The following KHDRBS1 variants were observed in gnomAD, a reference collection of about 807,000 sequenced individuals.
KHDRBS1 encodes KH RNA binding domain containing, signal transduction associated 1.
In KHDRBS1, 7 loss-of-function variants were observed where a neutral mutation model predicts 48.4. That is an observed-to-expected ratio of 0.14 (90% CI 0.08 to 0.27). The LOEUF (loss-of-function observed/expected upper bound fraction) is 0.27. KHDRBS1 is among the 10% of genes least tolerant of loss of function. KHDRBS1 has a pLI of 1.00. For synonymous variants in KHDRBS1, 241 were observed against 235.8 expected, an observed-to-expected ratio of 1.02 and a Z score of -0.20; for missense variants, 458 against 601.2, an observed-to-expected ratio of 0.76 and a Z score of 2.49.
chr1:32,045,033 G>C (rs1335836409), downstream of KHDRBS1, among the ~76,000 whole-genome samples: 1 of 152,096 alleles, frequency 6.6e-6, no homozygotes, highest in East Asian at 1.9e-4. Context: ...GAACTGTAAC[G>C]TAACCTGGGC....
chr1:32,023,616 A>G (rs1638903549), intron 1 of KHDRBS1, among the ~76,000 whole-genome samples: 1 of 152,188 alleles, frequency 6.6e-6, no homozygotes, highest in South Asian at 2.1e-4. Flanking sequence ...AGTCAGTTCC[A>G]AAAGGGTTGT....
intron 10 of KHDRBS1, among the ~76,000 whole-genome samples, chr1:32,058,154 C>G (rs906419124): frequency 6.6e-6 from 1 of 151,646 alleles, no homozygotes; most frequent in African/African-American, 2.4e-5. Context: ...CTGCATTGAT[C>G]ATAGCTCACT....
intron 4 of KHDRBS1, 97 bp downstream of exon 4, chr1:32,033,431 C>G (rs1639118484): frequency 1.3e-6 from 2 of 1,483,576 alleles, no homozygotes; most frequent in East Asian, 2.3e-5. Context: ...CTCTGCATAA[C>G]CTGTATGTAT....
intron 2 of KHDRBS1, among the ~76,000 whole-genome samples, chr1:32,030,627 A>T (rs1191110172): frequency 1.3e-5 from 2 of 152,206 alleles, no homozygotes; most frequent in Non-Finnish European, 2.9e-5. Context: ...AAGGAAATAT[A>T]ATCATCTTTT....
At chr1:32,059,200 G>A (rs550214738) in intron 10 of KHDRBS1, among the ~76,000 whole-genome samples, 8 of 149,908 alleles carry the variant, frequency 5.3e-5, no homozygotes, top group African/African-American at 1.7e-4. Flanking sequence ...CCTTTTAGGC[G>A]ATAGAATGAA....
chr1:32,021,419 C>G (rs1638855912), intron 1 of KHDRBS1, among the ~76,000 whole-genome samples: 1 of 151,964 alleles, frequency 6.6e-6, no homozygotes, highest in Non-Finnish European at 1.5e-5. Context: ...AAATAAAGAA[C>G]CTATTGGCTT....
At position 32,016,852 on chromosome 1, in the gene KHDRBS1, T is replaced by C. The variant is rs145360231; in HGVS notation, c.382+2475T>C. 3.2e-3 allele frequency among the ~76,000 whole-genome samples: 491 copies of C among 152,354 alleles called. 1 individual carries two copies. The highest frequency in any genetic ancestry group is 0.011 in the African/African-American group (459 of 41,588). On this transcript the variant is annotated intron_variant, in intron 1 of 8. Transcript: ENST00000327300. ...CAGAGCGCAGGAATCTTTTGTCTACTTTGTTCACCGTTGTATCTTCTATGC... is the reference window on the plus strand; with the variant it reads ...CAGAGCGCAGGAATCTTTTGTCTACCTTGTTCACCGTTGTATCTTCTATGC...
chr1:32,039,362 T>C (rs1639241368), intron 7 of KHDRBS1, among the ~76,000 whole-genome samples, 153 bp from the exon 8 acceptor site: 1 of 152,238 alleles, frequency 6.6e-6, no homozygotes, highest in Non-Finnish European at 1.5e-5. Flanking sequence ...TCTATACATA[T>C]TTTGGAAATA....
In KHDRBS1 at chr1:32,013,924, C is replaced by G; in HGVS notation, c.-72C>G. 2 of 1,332,986 alleles carry G rather than the reference C, an allele frequency of 1.5e-6. No homozygotes were observed. Among genetic ancestry groups the G allele is most frequent in the Non-Finnish European group, 1.9e-6 (2 of 1,040,534 alleles). 82.6% of individuals were successfully genotyped at this position (1,332,986 alleles called of 1,614,324 possible). A position where few individuals can be genotyped will look rare whatever the true frequency, so the allele number is the denominator to read the frequency against. ...CGCTACCGCTCCCGCTCTGCCACCCCCGCCAACCGCCGCTCGGGCCTCCGT... is the reference window on the plus strand; with the variant it reads ...CGCTACCGCTCCCGCTCTGCCACCCGCGCCAACCGCCGCTCGGGCCTCCGT... On this transcript the variant is annotated 5_prime_UTR_variant, in exon 1 of 9. Transcript: ENST00000327300.
intron 10 of KHDRBS1, among the ~76,000 whole-genome samples, chr1:32,055,173 G>C (rs141826201): frequency 1.2e-4 from 19 of 152,280 alleles, no homozygotes; most frequent in Admixed American, 5.9e-4. Context: ...TCCTGGGCCG[G>C]GTGCGGTGGG....
chr1:32,029,397 C>T (rs921183579), intron 1 of KHDRBS1, among the ~76,000 whole-genome samples: 2 of 152,192 alleles, frequency 1.3e-5, no homozygotes, highest in East Asian at 1.9e-4. Context: ...GTGGCTCACG[C>T]CTGTAATCCC....
Position 32,039,554 on chromosome 1 carries a change from A to G in KHDRBS1, c.1215A>G (p.Gln405=). 1 of 1,530,854 alleles carries G rather than the reference A, an allele frequency of 6.5e-7. No individual in the cohort carries two copies. The highest frequency in any genetic ancestry group is 9.1e-7 in the Non-Finnish European group (1 of 1,104,098). The allele number at this position is 1,530,854 out of a possible 1,614,324, so 94.8% of individuals were successfully genotyped here. ...EYYDYGHGEV[Q]DSYEAYGQDD... ...ATGACTATGGACATGGGGAGGTTCA[A>G]GATTCTTATGAAGCTTATGGTATGT... is the stretch of plus-strand genomic sequence containing the variant. The change falls in exon 8 of 9, where the codon CAA becomes CAG. Residue 405 remains glutamine (Q), a synonymous_variant. Transcript: ENST00000327300.
At chr1:32,058,078 A>G (rs556771750) in intron 10 of KHDRBS1, among the ~76,000 whole-genome samples, 7 of 151,410 alleles carry the variant, frequency 4.6e-5, no homozygotes, top group African/African-American at 1.7e-4. Flanking sequence ...AGATCGCACC[A>G]CCGTACTCCA....
intron 10 of KHDRBS1, among the ~76,000 whole-genome samples, chr1:32,049,506 A>AT (rs890003783): frequency 6.6e-6 from 1 of 150,898 alleles, no homozygotes; most frequent in African/African-American, 2.4e-5. Context: ...ATTGACAGGC[A>AT]TTTGGATTAT....
chr1:32,030,218 A>G (rs572762299), intron 1 of KHDRBS1, 80 bp from the exon 2 acceptor site: 3 of 1,168,796 alleles, frequency 2.6e-6, no homozygotes, highest in African/African-American at 3.1e-5. Context: ...ACTATATGGT[A>G]TTCCATGTTA....
At position 32,051,086 on chromosome 1, in the gene KHDRBS1, C is replaced by T. The variant is rs868129920; in HGVS notation, n.1301+5696C>T. On this transcript the variant is annotated intron_variant and non_coding_transcript_variant, in intron 10 of 10. Coordinates refer to the KHDRBS1 transcript ENST00000484270. ...CTAATTTTTGTATTTTTAGTAGAGA[C>T]GGGGTTTTGCCATGTTGGCCAGGCT... is the stretch of plus-strand genomic sequence containing the variant. Among the ~76,000 whole-genome samples the T allele has an allele frequency of 2.0e-5, 3 of 152,046 alleles. No homozygotes were observed. In the East Asian group the frequency reaches 5.8e-4, roughly 29 times the overall value.
chr1:32,044,559 T>C (rs143648389), downstream of KHDRBS1, among the ~76,000 whole-genome samples: 6 of 152,322 alleles, frequency 3.9e-5, no homozygotes, highest in Non-Finnish European at 5.9e-5. Flanking sequence ...AAAATCCTCT[T>C]GTATTGAAGT....
At chr1:32,015,967 T>C (rs1045773285) in intron 1 of KHDRBS1, among the ~76,000 whole-genome samples, 3 of 151,758 alleles carry the variant, frequency 2.0e-5, no homozygotes, top group Admixed American at 6.6e-5. Flanking sequence ...GATCGCGAGG[T>C]CAGGAGTTGG....
chr1:32,037,443 CAA>C (rs1426963678), intron 5 of KHDRBS1, among the ~76,000 whole-genome samples: 14 of 125,600 alleles, frequency 1.1e-4, no homozygotes, highest in Non-Finnish European at 8.7e-5. Flanking sequence ...GACTCCATTT[CAA>C]AAAAAAAAAA....
Sources: gnomAD v4.1 joint callset for allele counts (sites outside exome capture counted in the v4.1 genomes callset) on GRCh38, gnomAD v4.1.1 for gene constraint, MANE v1.5 for transcripts, NCBI Gene and HGNC (gene_info 2026-07-23, HGNC 2026-07-21) for gene names.